The following TRAPPC9 variants were observed in gnomAD, a reference collection of about 807,000 sequenced individuals.
TRAPPC9 encodes trafficking protein particle complex subunit 9, also known as IKK2 binding protein.
In TRAPPC9, 83 loss-of-function variants were observed where a neutral mutation model predicts 124.0. That is an observed-to-expected ratio of 0.67 (90% CI 0.56 to 0.80). TRAPPC9 has a LOEUF of 0.80. TRAPPC9 is among the 30% of genes least tolerant of loss of function. TRAPPC9 has a pLI of 0.00. For missense variants in TRAPPC9, 1,302 were observed against 1,508.3 expected (o/e 0.86, Z 2.27); for synonymous variants, 638 against 617.5 (o/e 1.03, Z -0.49).
At position 140,283,898 on chromosome 8, in the gene TRAPPC9, G is replaced by C. The variant is rs145138747; in HGVS notation, c.2105C>G (p.Ser702Cys). Reference protein sequence around the residue: ...PALPRLQISTSLPRSAHSLQP... With the variant: ...PALPRLQISTCLPRSAHSLQP... ...CCCTCGTGCACACTACCTGGGCAGA[G>C]AGGTGCTGATCTGCAGTCTTGGCAA... is the stretch of plus-strand genomic sequence containing the variant. The change falls in exon 14 of 23, where the codon TCT (serine) becomes TGT (cysteine). Residue 702 changes from serine to cysteine, a missense_variant. Physicochemically the swap from Ser to Cys is moderately radical, Grantham distance 112. This residue lies in a region of TRAPPC9 where 640 missense variants were observed against 679.3 expected (regional missense o/e 0.94). Transcript: ENST00000438773. 5.6e-6 allele frequency: 9 copies of C among 1,613,960 alleles called. No homozygotes were observed. Among genetic ancestry groups the C allele is most frequent in the Non-Finnish European group, 7.6e-6 (9 of 1,180,018 alleles).
intron 21 of TRAPPC9, among the ~76,000 whole-genome samples, chr8:139,768,829 G>T (rs552957820): frequency 6.6e-6 from 1 of 152,164 alleles, no homozygotes; most frequent in Admixed American, 6.5e-5. Flanking sequence ...AATACCTCGG[G>T]GGGGAATGTA....
intron 19 of TRAPPC9, chr8:139,914,654 G>T (rs956972821): frequency 5.3e-5 from 8 of 152,322 alleles, no homozygotes; most frequent in African/African-American, 1.9e-4. Context: ...CCCACACAGG[G>T]TCTATTGTCA....
At chr8:139,755,179 C>G (rs754208484) in intron 21 of TRAPPC9, among the ~76,000 whole-genome samples, 4 of 152,260 alleles carry the variant, frequency 2.6e-5, no homozygotes, top group Non-Finnish European at 4.4e-5. Flanking sequence ...CTGGCACCCT[C>G]CAGGTCCTCG....
chr8:139,845,647 G>A (rs563523357), intron 21 of TRAPPC9, among the ~76,000 whole-genome samples: 7 of 152,344 alleles, frequency 4.6e-5, no homozygotes, highest in African/African-American at 1.7e-4. Context: ...CCGCAGTGTG[G>A]GAGCAGCTGT....
At chr8:140,457,068 C>T (rs941332261) in intron 1 of TRAPPC9, among the ~76,000 whole-genome samples, 3 of 152,218 alleles carry the variant, frequency 2.0e-5, no homozygotes, top group Non-Finnish European at 2.9e-5. Context: ...CCAGCTAGAT[C>T]GCAGGCACTT....
chr8:140,128,229 C>T (rs969194980), intron 17 of TRAPPC9, among the ~76,000 whole-genome samples: 6 of 152,176 alleles, frequency 3.9e-5, no homozygotes, highest in Admixed American at 2.0e-4. Context: ...CAATTATGCT[C>T]GGTGGTGAGA....
intron 5 of TRAPPC9, among the ~76,000 whole-genome samples, chr8:140,420,607 T>C (rs1442135741): frequency 1.3e-5 from 2 of 152,188 alleles, no homozygotes; most frequent in Non-Finnish European, 2.9e-5. Context: ...TTTTACATTT[T>C]TTTTTCTTTC....
intron 17 of TRAPPC9, among the ~76,000 whole-genome samples, chr8:140,077,789 G>A (rs1843594015): frequency 6.6e-6 from 1 of 152,140 alleles, no homozygotes; most frequent in Non-Finnish European, 1.5e-5. Flanking sequence ...GCGGAAGAAT[G>A]ATTGTGTAGA....
chr8:140,171,930 T>A (rs886632512), intron 17 of TRAPPC9, among the ~76,000 whole-genome samples: 2 of 152,148 alleles, frequency 1.3e-5, no homozygotes, highest in Admixed American at 1.3e-4. Flanking sequence ...TTGAGGAGTA[T>A]CTGGCGGCGT....
intron 5 of TRAPPC9, among the ~76,000 whole-genome samples, chr8:140,417,716 T>C (rs945536653): frequency 1.3e-5 from 2 of 152,232 alleles, no homozygotes. Context: ...ACTGGGTATA[T>C]ACCCAAAGGA....
chr8:140,322,987 C>T (rs998511607), intron 9 of TRAPPC9, among the ~76,000 whole-genome samples: 2 of 152,184 alleles, frequency 1.3e-5, no homozygotes, highest in Admixed American at 6.5e-5. Flanking sequence ...ACTGAGTTGA[C>T]CAAAGGCTGG....
At chr8:140,282,905 G>A (rs889300837) in intron 14 of TRAPPC9, among the ~76,000 whole-genome samples, 7 of 152,086 alleles carry the variant, frequency 4.6e-5, no homozygotes, top group Non-Finnish European at 7.4e-5. Flanking sequence ...TTCCTGTAAC[G>A]CTAAAAAACA....
chr8:139,827,083 G>T lies in TRAPPC9; in HGVS notation c.3055+58796C>A, dbSNP rs370944842. ...AGCCATCAGGTGGAAACCCTTGCAGGACACCTCTCACACCTGTTTGCCCAT... is the reference window on the plus strand; with the variant it reads ...AGCCATCAGGTGGAAACCCTTGCAGTACACCTCTCACACCTGTTTGCCCAT... On this transcript the variant is annotated intron_variant, in intron 21 of 22. Transcript: ENST00000438773. Among the ~76,000 whole-genome samples, 8 of 152,316 alleles carry T rather than the reference G, an allele frequency of 5.3e-5. No individual in the cohort carries two copies. The East Asian group carries it at 1.2e-3, about 22-fold the overall frequency.
At chr8:140,060,874 G>A (rs1314410608) in intron 17 of TRAPPC9, among the ~76,000 whole-genome samples, 6 of 152,230 alleles carry the variant, frequency 3.9e-5, no homozygotes, top group African/African-American at 7.2e-5. Context: ...ATCTTAGGGC[G>A]AAGGCCATGT....
At chr8:140,275,617 A>G (rs757850465) in intron 15 of TRAPPC9, 41 bp downstream of exon 15, 45 of 1,600,454 alleles carry the variant, frequency 2.8e-5, no homozygotes, top group Non-Finnish European at 3.8e-5. Flanking sequence ...CAAGTAAACA[A>G]TACAAACATT....
intron 17 of TRAPPC9, among the ~76,000 whole-genome samples, chr8:140,214,378 C>T (rs546823835): frequency 4.8e-4 from 73 of 152,340 alleles, no homozygotes; most frequent in South Asian, 2.9e-3. Context: ...TCAGGGGACC[C>T]GACATCTACC....
intron 5 of TRAPPC9, among the ~76,000 whole-genome samples, chr8:140,412,039 C>T (rs752742885): frequency 3.9e-5 from 6 of 152,198 alleles, no homozygotes; most frequent in Non-Finnish European, 5.9e-5. Context: ...TGTATACAGT[C>T]TCAAACTATT....
chr8:140,032,075 GC>G (rs1840532284), intron 17 of TRAPPC9, among the ~76,000 whole-genome samples: 1 of 152,214 alleles, frequency 6.6e-6, no homozygotes, highest in African/African-American at 2.4e-5. Context: ...TTACGCTCCA[GC>G]CAAATTTCAC....
intron 9 of TRAPPC9, among the ~76,000 whole-genome samples, chr8:140,347,019 C>T (rs2067368691): frequency 6.6e-6 from 1 of 152,206 alleles, no homozygotes; most frequent in African/African-American, 2.4e-5. Flanking sequence ...GCAGGACACA[C>T]ACCCACACTG....
Sources: gnomAD v4.1 joint callset for allele counts (sites outside exome capture counted in the v4.1 genomes callset) on GRCh38, gnomAD v4.1.1 for gene constraint, gnomAD v4.1.1 regional missense constraint, MANE v1.5 for transcripts, NCBI Gene and HGNC (gene_info 2026-07-23, HGNC 2026-07-21) for gene names.